PTPRJ: variants seen among roughly 807,000 people sequenced by gnomAD.
The protein encoded by PTPRJ is receptor-type tyrosine-protein phosphatase eta.
In PTPRJ, 129 loss-of-function variants were observed where a neutral mutation model predicts 141.3. The observed-to-expected ratio is 0.91, with a 90% CI of 0.79 to 1.06. PTPRJ has a LOEUF of 1.06. PTPRJ is among the 50% of genes least tolerant of loss of function. The probability of loss-of-function intolerance (pLI) is 0.00; values close to 1 mark genes in which losing one functional copy is unlikely to be tolerated. For synonymous variants in PTPRJ, 610 were observed against 640.5 expected (o/e 0.95, Z 0.72); for missense variants, 1,601 against 1,679.7 (o/e 0.95, Z 0.82).
At chr11:48,136,470 TCAAGCTA>T (rs1328246987) in intron 9 of PTPRJ, among the ~76,000 whole-genome samples, 174 bp downstream of exon 9, 1 of 152,234 alleles carries the variant, frequency 6.6e-6, no homozygotes, top group Non-Finnish European at 1.5e-5. Flanking sequence ...GCACTGTTCT[TCAAGCTA>T]TGTGAACTTA....
intron 1 of PTPRJ, among the ~76,000 whole-genome samples, chr11:48,079,139 A>G (rs917092074): frequency 1.3e-5 from 2 of 151,602 alleles, no homozygotes; most frequent in African/African-American, 4.9e-5. Context: ...ACCAACACTA[A>G]CAATAGCTGA....
At position 48,131,687 on chromosome 11, in the gene PTPRJ, G is replaced by A. The variant is rs1856987709; in HGVS notation, c.1615+971G>A. On this transcript the variant is annotated intron_variant, in intron 8 of 24. Transcript: ENST00000418331. The stretch of plus-strand genomic sequence containing the variant: ...GCTACTTTGGTGCTAGAATTGAGTA[G>A]TGGCAGCAGAGAACGTGTGGCTTGT... 7.5e-6 allele frequency: 4 copies of A among 533,668 alleles called. No individual in the cohort carries two copies. In the East Asian group the frequency reaches 1.2e-4, roughly 17 times the overall value. 33.1% of individuals were successfully genotyped at this position (533,668 alleles called of 1,614,324 possible).
intron 18 of PTPRJ, among the ~76,000 whole-genome samples, chr11:48,153,562 G>T (rs1012543251): frequency 2.0e-5 from 3 of 149,328 alleles, no homozygotes; most frequent in Admixed American, 6.7e-5. Context: ...CTGGTGCAGT[G>T]ATCTGACTAG....
Position 48,051,084 on chromosome 11 carries a change from CTTTTTTTTTTT to C in PTPRJ, c.97-58955_97-58945del, listed in dbSNP as rs59987198. ...GAGGTGATAGCCAGTTAACTGATGA[CTTTTTTTTTTT>C]TTTTTTTTTTTTTTTTTTGAGATGG... On this transcript the variant is annotated intron_variant, in intron 1 of 24. Coordinates refer to ENST00000418331, the MANE Select transcript of PTPRJ (RefSeq NM_002843.4). Among the ~76,000 whole-genome samples the C allele has an allele frequency of 2.2e-3, 174 of 79,304 alleles. 1 individual carries two copies. The highest frequency in any genetic ancestry group is 2.7e-3 in the Admixed American group (17 of 6,274). The allele number at this position is 79,304 out of a possible 152,430, so 52.0% of individuals were successfully genotyped here. A position where few individuals can be genotyped will look rare whatever the true frequency, so the allele number is the denominator to read the frequency against.
At chr11:48,046,914 T>TA (rs1565274954) in intron 1 of PTPRJ, among the ~76,000 whole-genome samples, 1,235 of 59,096 alleles carry the variant, frequency 0.021, 5 homozygotes, top group Admixed American at 0.039. Flanking sequence ...ATATATATAT[T>TA]TTTTTTTTTT....
intron 1 of PTPRJ, among the ~76,000 whole-genome samples, chr11:47,998,670 A>C (rs140471562): frequency 3.3e-5 from 5 of 152,358 alleles, no homozygotes; most frequent in African/African-American, 1.2e-4. Context: ...TGCCCCCGGC[A>C]AGGTGCCTGG....
At chr11:48,021,228 G>A (rs1242705211) in intron 1 of PTPRJ, among the ~76,000 whole-genome samples, 1 of 151,960 alleles carries the variant, frequency 6.6e-6, no homozygotes, top group Admixed American at 6.6e-5. Flanking sequence ...ACAAAAATTA[G>A]CCGGGCGTGT....
intron 1 of PTPRJ, among the ~76,000 whole-genome samples, chr11:47,997,460 G>T (rs907221596): frequency 4.6e-5 from 7 of 152,206 alleles, no homozygotes; most frequent in African/African-American, 7.2e-5. Context: ...TCAAAAGAGG[G>T]TTCACATCGA....
At chr11:48,143,951 T>C (rs756189106) in intron 12 of PTPRJ, among the ~76,000 whole-genome samples, 5 of 151,382 alleles carry the variant, frequency 3.3e-5, no homozygotes, top group Non-Finnish European at 7.4e-5. Flanking sequence ...ACTCCTGGAC[T>C]CAAGTAATCC....
intron 18 of PTPRJ, among the ~76,000 whole-genome samples, chr11:48,151,173 C>A (rs1055617320): frequency 7.2e-5 from 11 of 152,100 alleles, no homozygotes; most frequent in African/African-American, 2.7e-4. Context: ...AATTTACTGT[C>A]TAGAGGCCAC....
At chr11:48,068,657 C>G (rs1855148768) in intron 1 of PTPRJ, among the ~76,000 whole-genome samples, 1 of 152,198 alleles carries the variant, frequency 6.6e-6, no homozygotes, top group South Asian at 2.1e-4. Context: ...GGAGTTTGCA[C>G]TGTAGTGACG....
chr11:48,134,082 A>T (rs571504302), intron 8 of PTPRJ, among the ~76,000 whole-genome samples: 1 of 152,226 alleles, frequency 6.6e-6, no homozygotes, highest in African/African-American at 2.4e-5. Context: ...TACACTGACA[A>T]ATGGTTAAGA....
intron 3 of PTPRJ, among the ~76,000 whole-genome samples, chr11:48,116,159 T>C (rs1419410930): frequency 1.3e-5 from 2 of 151,324 alleles, no homozygotes; most frequent in Non-Finnish European, 2.9e-5. Context: ...ATCTCAATAG[T>C]ATGCTGTCTA....
At chr11:48,100,313 C>T (rs182145308) in intron 1 of PTPRJ, among the ~76,000 whole-genome samples, 166 of 152,264 alleles carry the variant, frequency 1.1e-3, no homozygotes, top group African/African-American at 3.5e-3. Flanking sequence ...CTGCTTTATC[C>T]TAGTGAGGCA....
At position 47,980,887 on chromosome 11, in the gene PTPRJ, G is replaced by T; in HGVS notation, c.-26G>T. On this transcript the variant is annotated 5_prime_UTR_variant, in exon 1 of 25. Transcript: ENST00000418331. ...ACGGCGGGGCCCGATTCGCGCGTCC[G>T]GGGCACGTTCCAGGGCGCGCGGGGC... The T allele has an allele frequency of 8.9e-7, 1 of 1,129,168 alleles. No individual in the cohort carries two copies. Among genetic ancestry groups the T allele is most frequent in the South Asian group, 4.3e-5 (1 of 23,328 alleles). 69.9% of individuals were successfully genotyped at this position (1,129,168 alleles called of 1,614,324 possible). A position where few individuals can be genotyped will look rare whatever the true frequency, so the allele number is the denominator to read the frequency against.
At chr11:48,088,808 T>G (rs2134295157) in intron 1 of PTPRJ, among the ~76,000 whole-genome samples, 1 of 152,274 alleles carries the variant, frequency 6.6e-6, no homozygotes, top group Non-Finnish European at 1.5e-5. Context: ...CTCCCCCTCC[T>G]TGGTTTTTCT....
At chr11:48,095,548 A>T (rs1855979971) in intron 1 of PTPRJ, among the ~76,000 whole-genome samples, 1 of 151,702 alleles carries the variant, frequency 6.6e-6, no homozygotes, top group Admixed American at 6.6e-5. Context: ...CCTTATGGGT[A>T]TAGCCAGCTA....
rs116191075 is a variant in PTPRJ at position 48,102,155 on chromosome 11, A to G, written c.97-7903A>G. On this transcript the variant is annotated intron_variant, in intron 1 of 24. Coordinates refer to ENST00000418331, the MANE Select transcript of PTPRJ (RefSeq NM_002843.4). ...GGAATGGACAAAAAGATGGAAAAGC[A>G]TACTGCCTCTCAGTCTTTCGCATGC... Among the ~76,000 whole-genome samples the G allele has an allele frequency of 9.9e-3, 1,509 of 152,316 alleles. 21 individuals are homozygous for G. The highest frequency in any genetic ancestry group is 0.034 in the African/African-American group (1,424 of 41,564).
rs1857860434 is a variant in PTPRJ, at chr11:48,164,395, G to C, written c.3735G>C (p.Arg1245Ser). Residue 1245 changes from arginine to serine, a missense_variant, in exon 24 of 25, where the codon AGG (arginine) becomes AGC (serine). Coordinates refer to ENST00000418331, the MANE Select transcript of PTPRJ (RefSeq NM_002843.4). Reference protein sequence around the residue: ...ILVHCSAGVGRTGTFIAIDRL... With the variant: ...ILVHCSAGVGSTGTFIAIDRL... ...TTTCTCTCAGTGCTGGGGTCGGAAG[G>C]ACGGGCACTTTCATTGCCATTGATC... 1.2e-6 allele frequency: 2 copies of C among 1,613,928 alleles called. No homozygotes were observed. The highest frequency in any genetic ancestry group is 1.3e-5 in the African/African-American group (1 of 74,872).
Sources: allele counts gnomAD v4.1 joint callset (sites outside exome capture counted in the v4.1 genomes callset), GRCh38; gene constraint gnomAD v4.1.1; transcripts MANE v1.5; gene names NCBI Gene and HGNC (gene_info 2026-07-23, HGNC 2026-07-21).